Variants in KATNAL1 observed in about 807,000 individuals in gnomAD.
KATNAL1 encodes the protein katanin p60 ATPase-containing subunit A-like 1.
Under a neutral mutation model 55.2 loss-of-function variants are expected in KATNAL1, and 32 were observed. The ratio of observed to expected loss-of-function variants is 0.58; its 90% CI spans 0.44 to 0.78. KATNAL1 has a LOEUF of 0.78. Among genes scored for constraint, KATNAL1 ranks in the 30% least tolerant of loss-of-function variants. The probability of loss-of-function intolerance (pLI) is 0.00; values close to 1 mark genes in which losing one functional copy is unlikely to be tolerated. For synonymous variants in KATNAL1, 193 were observed against 193.6 expected (o/e 1.00, Z 0.02); for missense variants, 466 against 600.9 (o/e 0.78, Z 2.35).
rs1872829531 is a variant in KATNAL1 at position 30,203,096 on chromosome 13, TG to T, written c.*5443del. Reference sequence around the variant, plus strand: ...TTACAAAACTCTAAGAAAATAGATGTGTGTTATGTTTGGAACTGCTGCTTTG... The same window carrying T: ...TTACAAAACTCTAAGAAAATAGATGTTGTTATGTTTGGAACTGCTGCTTTG... On this transcript the variant is annotated 3_prime_UTR_variant, in exon 11 of 11. Coordinates refer to ENST00000380615, the MANE Select transcript of KATNAL1 (RefSeq NM_032116.5). The T allele has an allele frequency of 6.6e-6, 1 of 152,258 alleles. No individual in the cohort carries two copies. The highest frequency in any genetic ancestry group is 6.5e-5 in the Admixed American group (1 of 15,290). The allele number at this position is 152,258 out of a possible 1,614,324, so 9.4% of individuals were successfully genotyped here.
intron 1 of KATNAL1, among the ~76,000 whole-genome samples, chr13:30,297,197 G>A (rs969556336): frequency 1.3e-5 from 2 of 151,158 alleles, no homozygotes; most frequent in African/African-American, 4.9e-5. Context: ...AGAAGGATGA[G>A]GAGGAGTAGG....
intron 3 of KATNAL1, among the ~76,000 whole-genome samples, chr13:30,277,925 G>A (rs1181248603): frequency 7.1e-6 from 1 of 141,342 alleles, no homozygotes; most frequent in Non-Finnish European, 1.5e-5. Context: ...GGAGCTTGCA[G>A]TGAGCCGAGA....
intron 3 of KATNAL1, among the ~76,000 whole-genome samples, chr13:30,257,498 G>A (rs1319346783): frequency 1.3e-5 from 2 of 152,124 alleles, no homozygotes; most frequent in Non-Finnish European, 2.9e-5. Flanking sequence ...CCCATGGCTG[G>A]GCTTGCTGTG....
chr13:30,305,176 T>A (rs1157606867), intron 1 of KATNAL1, among the ~76,000 whole-genome samples: 1 of 152,224 alleles, frequency 6.6e-6, no homozygotes, highest in Non-Finnish European at 1.5e-5. Context: ...CTTCAATGAC[T>A]GCCCTATATC....
intron 9 of KATNAL1, among the ~76,000 whole-genome samples, chr13:30,213,161 TAGAA>T (rs1873860799): frequency 6.6e-6 from 1 of 152,064 alleles, no homozygotes; most frequent in Non-Finnish European, 1.5e-5. Context: ...GCAAATAAAC[TAGAA>T]AATCTAGAAG....
chr13:30,227,603 A>T (rs999427034), intron 8 of KATNAL1, 57 bp from the exon 9 acceptor site: 4 of 1,562,412 alleles, frequency 2.6e-6, no homozygotes, highest in Non-Finnish European at 3.5e-6. Context: ...TTATTCTTTC[A>T]TTCAATTAAC....
At chr13:30,215,717 T>A (rs866114156) in intron 9 of KATNAL1, among the ~76,000 whole-genome samples, 2 of 151,758 alleles carry the variant, frequency 1.3e-5, no homozygotes, top group Non-Finnish European at 1.5e-5. Flanking sequence ...TAGGTGGGAA[T>A]TGAACAATGA....
At chr13:30,253,477 C>T (rs1878516339) in intron 4 of KATNAL1, among the ~76,000 whole-genome samples, 1 of 151,884 alleles carries the variant, frequency 6.6e-6, no homozygotes, top group South Asian at 2.1e-4. Context: ...TCCTGGCTAA[C>T]ATGGTGAAAC....
chr13:30,272,935 A>AC (rs1460239870), intron 3 of KATNAL1, among the ~76,000 whole-genome samples: 4 of 152,060 alleles, frequency 2.6e-5, no homozygotes, highest in African/African-American at 9.7e-5. Flanking sequence ...ATAAGCGCTC[A>AC]CCTCTATATC....
At chr13:30,247,205 A>C (rs1467358751) in intron 4 of KATNAL1, among the ~76,000 whole-genome samples, 1 of 152,044 alleles carries the variant, frequency 6.6e-6, no homozygotes, top group African/African-American at 2.4e-5. Context: ...CCCCTGGGCT[A>C]CTCTTACCCC....
At chr13:30,262,216 G>A (rs1439518598) in intron 3 of KATNAL1, among the ~76,000 whole-genome samples, 4 of 151,500 alleles carry the variant, frequency 2.6e-5, no homozygotes, top group Non-Finnish European at 2.9e-5. Context: ...CGCATTCAAA[G>A]CAGTGTGTAG....
At chr13:30,242,050 A>G (rs954768289) in intron 4 of KATNAL1, among the ~76,000 whole-genome samples, 3 of 152,242 alleles carry the variant, frequency 2.0e-5, no homozygotes, top group African/African-American at 7.2e-5. Flanking sequence ...CACAAGAAAC[A>G]TAACATCAAC....
chr13:30,247,835 C>T (rs1877934913), intron 4 of KATNAL1, among the ~76,000 whole-genome samples: 1 of 152,170 alleles, frequency 6.6e-6, no homozygotes, highest in African/African-American at 2.4e-5. Flanking sequence ...GCTCTGATGC[C>T]AACAAGCCAG....
intron 8 of KATNAL1, among the ~76,000 whole-genome samples, chr13:30,230,146 T>C (rs949365836): frequency 2.6e-5 from 4 of 152,078 alleles, no homozygotes; most frequent in Non-Finnish European, 5.9e-5. Context: ...CCTATGAAAA[T>C]AGTTTTGACC....
At chr13:30,300,818 G>A (rs1202361821) in intron 1 of KATNAL1, among the ~76,000 whole-genome samples, 4 of 152,152 alleles carry the variant, frequency 2.6e-5, no homozygotes, top group African/African-American at 9.7e-5. Flanking sequence ...AAGAATGTAT[G>A]TAGTAATTAA....
At chr13:30,279,325 A>G (rs1881096544) in intron 3 of KATNAL1, among the ~76,000 whole-genome samples, 1 of 152,214 alleles carries the variant, frequency 6.6e-6, no homozygotes, top group African/African-American at 2.4e-5. Context: ...GTCCTTGCAA[A>G]TCTTTTGAAG....
At chr13:30,209,183 A>T (rs1384731520) in intron 10 of KATNAL1, among the ~76,000 whole-genome samples, 2 of 152,226 alleles carry the variant, frequency 1.3e-5, no homozygotes, top group African/African-American at 2.4e-5. Flanking sequence ...ATGAATATCC[A>T]CATATAGTGG....
intron 1 of KATNAL1, chr13:30,306,774 C>G (rs1203580071): frequency 6.6e-6 from 1 of 152,226 alleles, no homozygotes; most frequent in African/African-American, 2.4e-5. Flanking sequence ...GGTTCTGCAC[C>G]GAAAGGCAGC....
chr13:30,299,061 T>C (rs762096240), intron 1 of KATNAL1, among the ~76,000 whole-genome samples: 1 of 152,076 alleles, frequency 6.6e-6, no homozygotes, highest in African/African-American at 2.4e-5. Context: ...GGAAAGAAAT[T>C]ATATTGACAG....
Sources: allele counts gnomAD v4.1 joint callset (sites outside exome capture counted in the v4.1 genomes callset), GRCh38; gene constraint gnomAD v4.1.1; transcripts MANE v1.5; gene names NCBI Gene and HGNC (gene_info 2026-07-23, HGNC 2026-07-21).